Variants in GRM7 observed in about 807,000 individuals in gnomAD.
GRM7 encodes metabotropic glutamate receptor 7.
Under a neutral mutation model 84.5 loss-of-function variants are expected in GRM7, and 35 were observed. That is an observed-to-expected ratio of 0.41 (90% CI 0.32 to 0.55). GRM7 has a LOEUF of 0.55. Among genes scored for constraint, GRM7 ranks in the 20% least tolerant of loss-of-function variants. The pLI is 0.19. For missense variants in GRM7, 1,003 were observed against 1,194.6 expected, an observed-to-expected ratio of 0.84 and a Z score of 2.36; for synonymous variants, 487 against 455.1, an observed-to-expected ratio of 1.07 and a Z score of -0.89.
intron 7 of GRM7, among the ~76,000 whole-genome samples, chr3:7,564,023 T>C (rs1390294474): frequency 1.3e-5 from 2 of 152,000 alleles, no homozygotes; most frequent in African/African-American, 4.8e-5. Context: ...AGTAAAGGAA[T>C]AAGAAATAAG....
intron 7 of GRM7, among the ~76,000 whole-genome samples, chr3:7,551,348 C>A (rs1458342583): frequency 6.6e-6 from 1 of 152,138 alleles, no homozygotes; most frequent in Non-Finnish European, 1.5e-5. Flanking sequence ...GTACAGCATG[C>A]ATCTGGACCT....
intron 1 of GRM7, among the ~76,000 whole-genome samples, chr3:6,970,238 G>T (rs1224212336): frequency 7.2e-6 from 1 of 138,274 alleles, no homozygotes; most frequent in African/African-American, 2.7e-5. Flanking sequence ...TCTACAGGTT[G>T]CAGCTAATGT....
chr3:7,222,879 A>G (rs1005798171), intron 2 of GRM7, among the ~76,000 whole-genome samples: 2 of 152,112 alleles, frequency 1.3e-5, no homozygotes, highest in African/African-American at 2.4e-5. Flanking sequence ...CAGCAATTCC[A>G]GTTTGTTTTC....
At chr3:7,416,283 A>G (rs1297582518) in intron 5 of GRM7, among the ~76,000 whole-genome samples, 1 of 152,282 alleles carries the variant, frequency 6.6e-6, no homozygotes, top group Admixed American at 6.5e-5. Context: ...AGCGGATGAC[A>G]TGATCTACCA....
intron 2 of GRM7, among the ~76,000 whole-genome samples, chr3:7,225,371 A>G (rs1050017538): frequency 1.3e-5 from 2 of 148,516 alleles, no homozygotes; most frequent in South Asian, 2.1e-4. Flanking sequence ...TTTATCTGTA[A>G]TTTCTTAAAA....
chr3:7,526,121 CA>C (rs1266304561), intron 7 of GRM7, among the ~76,000 whole-genome samples: 1 of 152,082 alleles, frequency 6.6e-6, no homozygotes, highest in Non-Finnish European at 1.5e-5. Context: ...GAGAAATCTC[CA>C]AACTACTTTC....
At chr3:7,311,644 A>T (rs1290340464) in intron 4 of GRM7, among the ~76,000 whole-genome samples, 3 of 148,960 alleles carry the variant, frequency 2.0e-5, no homozygotes, top group Non-Finnish European at 4.4e-5. Flanking sequence ...CCCAAGCTGG[A>T]ATGCAGTGGC....
At chr3:7,245,426 GAA>G (rs1170571350) in intron 2 of GRM7, among the ~76,000 whole-genome samples, 1 of 151,810 alleles carries the variant, frequency 6.6e-6, no homozygotes, top group African/African-American at 2.4e-5. Flanking sequence ...ACAGAAAAAT[GAA>G]AAGAGATAAC....
chr3:7,283,045 T>C (rs527252346), intron 2 of GRM7, among the ~76,000 whole-genome samples: 1 of 152,292 alleles, frequency 6.6e-6, no homozygotes, highest in South Asian at 2.1e-4. Flanking sequence ...GCTTGGTTTA[T>C]TGGGAAACCT....
intron 8 of GRM7, among the ~76,000 whole-genome samples, chr3:7,617,780 G>A (rs1254596970): frequency 6.6e-6 from 1 of 152,012 alleles, no homozygotes; most frequent in African/African-American, 2.4e-5. Flanking sequence ...AGGGGACTTG[G>A]GGAAGTCTCT....
chr3:7,086,768 T>A (rs1376407155), intron 1 of GRM7, among the ~76,000 whole-genome samples: 4 of 152,328 alleles, frequency 2.6e-5, no homozygotes, highest in Non-Finnish European at 5.9e-5. Context: ...TTTTTGTCCT[T>A]TCTTGTTACA....
rs1408332563 is a variant in GRM7, at chr3:7,432,900, AATC to A, written c.1174+17739_1174+17741del. On this transcript the variant is annotated intron_variant, in intron 5 of 9. Coordinates refer to ENST00000357716, the MANE Select transcript of GRM7 (RefSeq NM_000844.4). ...AGGATAAGGGAGTTAATGCAACACT[AATC>A]AGCCCTGGATCCCAGAAGTGAATAA... Among the ~76,000 whole-genome samples the A allele has an allele frequency of 2.6e-5, 4 of 152,300 alleles. No individual in the cohort carries two copies. In the South Asian group the frequency reaches 8.3e-4, roughly 32 times the overall value.
rs537094755 is a variant in GRM7, at chr3:7,735,207, T to G, written c.2699-5150T>G. On this transcript the variant is annotated intron_variant, in intron 9 of 9. Coordinates refer to ENST00000357716, the MANE Select transcript of GRM7 (RefSeq NM_000844.4). ...GGGGGAAGAGGCACAGACAGTGCTTTGAATGGTTTCATACAAAAGTTAGTT... is the reference window on the plus strand; with the variant it reads ...GGGGGAAGAGGCACAGACAGTGCTTGGAATGGTTTCATACAAAAGTTAGTT... Among the ~76,000 whole-genome samples the G allele has an allele frequency of 3.8e-4, 58 of 152,286 alleles. 1 individual carries two copies. The highest frequency in any genetic ancestry group is 1.4e-3 in the African/African-American group (57 of 41,572).
intron 1 of GRM7, among the ~76,000 whole-genome samples, chr3:6,963,910 T>G (rs1030153346): frequency 6.6e-6 from 1 of 152,170 alleles, no homozygotes; most frequent in African/African-American, 2.4e-5. Context: ...TGGAGTTTTC[T>G]CTACTTGATA....
chr3:7,124,967 C>A (rs888741957), intron 1 of GRM7, among the ~76,000 whole-genome samples: 1 of 152,090 alleles, frequency 6.6e-6, no homozygotes, highest in Non-Finnish European at 1.5e-5. Flanking sequence ...GAGGCAGAGT[C>A]TCACTCTGTC....
chr3:7,186,917 A>C (rs909171816), intron 2 of GRM7, among the ~76,000 whole-genome samples: 3 of 152,138 alleles, frequency 2.0e-5, no homozygotes, highest in Non-Finnish European at 4.4e-5. Flanking sequence ...TCATATACAT[A>C]TGTCAAAGTT....
chr3:7,350,778 T>C (rs1023486480), intron 4 of GRM7, among the ~76,000 whole-genome samples: 6 of 152,110 alleles, frequency 3.9e-5, no homozygotes, highest in Non-Finnish European at 7.4e-5. Context: ...GGTTAGAGTC[T>C]TCTCCGATGG....
intron 7 of GRM7, among the ~76,000 whole-genome samples, chr3:7,510,535 C>G (rs1467632755): frequency 6.6e-6 from 1 of 151,972 alleles, no homozygotes; most frequent in African/African-American, 2.4e-5. Context: ...CCTTTAGATA[C>G]AAACAAATTC....
intron 1 of GRM7, among the ~76,000 whole-genome samples, chr3:7,021,777 C>T (rs1154371): frequency 0.99 from 151,356 of 152,358 alleles, 75,185 homozygotes; most frequent in African/African-American, 1. Flanking sequence ...ATGCATTTGC[C>T]TATTTATCTG....
Sources: allele counts gnomAD v4.1 joint callset (sites outside exome capture counted in the v4.1 genomes callset), GRCh38; gene constraint gnomAD v4.1.1; transcripts MANE v1.5; gene names NCBI Gene and HGNC (gene_info 2026-07-23, HGNC 2026-07-21).